EXTL3: variants seen among roughly 807,000 people sequenced by gnomAD.
The protein encoded by EXTL3 is exostosin-like 3.
In EXTL3, 27 loss-of-function variants were observed where a neutral mutation model predicts 69.3. That is an observed-to-expected ratio of 0.39 (90% CI 0.29 to 0.54). The LOEUF (loss-of-function observed/expected upper bound fraction) is 0.54. EXTL3 is among the 20% of genes least tolerant of loss of function. The pLI is 0.69. For missense variants in EXTL3, 1,003 were observed against 1,231.8 expected (o/e 0.81, Z 2.78); for synonymous variants, 511 against 499.4 (o/e 1.02, Z -0.31).
chr8:28,659,044 G>A (rs1387843499), intron 1 of EXTL3, among the ~76,000 whole-genome samples: 1 of 152,150 alleles, frequency 6.6e-6, no homozygotes, highest in Non-Finnish European at 1.5e-5. Context: ...TCCTAAGTAC[G>A]GCTGAAGGAT....
At chr8:28,681,479 C>T (rs2130660478) in intron 1 of EXTL3, among the ~76,000 whole-genome samples, 1 of 151,878 alleles carries the variant, frequency 6.6e-6, no homozygotes, top group South Asian at 2.1e-4. Flanking sequence ...GATTGTGTCA[C>T]TGCACTCCAG....
rs1050016206 is a variant in EXTL3, at chr8:28,717,881, C to T, written c.1822C>T (p.Pro608Ser). ...CTTTTACCGCAGCTGGAACTGTGCT[C>T]CAGGGCCTTTCCATCTTTTCCCCCA... ...TDFYRSWNCAPGPFHLFPHTP... is the reference protein window; with the variant it reads ...TDFYRSWNCASGPFHLFPHTP... Residue 608 changes from proline to serine, a missense_variant, in exon 3 of 7, where the codon CCA (proline) becomes TCA (serine). By Grantham distance (74) the Pro-to-Ser change is moderately conservative. This residue lies in a region of EXTL3 where 261 missense variants were observed against 416.4 expected (regional missense o/e 0.63). Transcript: ENST00000220562. The surrounding 1 kb of genome is among the most constrained non-coding windows in gnomAD (Gnocchi z 8.3). 6.2e-7 allele frequency: 1 copy of T among 1,614,098 alleles called. No homozygotes were observed. Among genetic ancestry groups the T allele is most frequent in the African/African-American group, 1.3e-5 (1 of 75,062 alleles).
At chr8:28,679,291 C>T (rs1807440286) in intron 1 of EXTL3, among the ~76,000 whole-genome samples, 1 of 152,106 alleles carries the variant, frequency 6.6e-6, no homozygotes, top group African/African-American at 2.4e-5. Context: ...ACTAAAAATA[C>T]AAAAATTATC....
At chr8:28,643,654 G>A (rs963221473) in intron 1 of EXTL3, among the ~76,000 whole-genome samples, 3 of 151,924 alleles carry the variant, frequency 2.0e-5, no homozygotes, top group Non-Finnish European at 4.4e-5. Context: ...TCCTGACCTC[G>A]TGATCCACCA....
intron 1 of EXTL3, among the ~76,000 whole-genome samples, chr8:28,633,866 G>A (rs371204277): frequency 1.3e-5 from 2 of 152,130 alleles, no homozygotes; most frequent in African/African-American, 2.4e-5. Context: ...GAAAACGTTC[G>A]CTGATCCCTG....
chr8:28,672,995 T>C (rs240918), intron 1 of EXTL3, among the ~76,000 whole-genome samples: 122,984 of 152,186 alleles, frequency 0.81, 50,360 homozygotes, highest in African/African-American at 0.95. Context: ...CTCTTGCCTG[T>C]GGCCATGTAA....
At chr8:28,643,909 G>A (rs1017616410) in intron 1 of EXTL3, among the ~76,000 whole-genome samples, 28 of 152,054 alleles carry the variant, frequency 1.8e-4, no homozygotes, top group African/African-American at 6.5e-4. Context: ...GGGACCACAG[G>A]TGGGCACCAC....
At chr8:28,658,958 A>G (rs1281924344) in intron 1 of EXTL3, among the ~76,000 whole-genome samples, 1 of 152,236 alleles carries the variant, frequency 6.6e-6, no homozygotes, top group Non-Finnish European at 1.5e-5. Flanking sequence ...TCTTCTACTC[A>G]AGGATATTTG....
intron 2 of EXTL3, among the ~76,000 whole-genome samples, chr8:28,714,391 C>G (rs1801097010): frequency 6.6e-6 from 1 of 152,080 alleles, no homozygotes; most frequent in Admixed American, 6.5e-5. Flanking sequence ...GACTATTACA[C>G]CTTTAATAGT....
chr8:28,608,340 G>A (rs1806226562), intron 2 of EXTL3, among the ~76,000 whole-genome samples: 3 of 151,998 alleles, frequency 2.0e-5, no homozygotes, highest in Admixed American at 2.0e-4. Flanking sequence ...CCTAATGTGA[G>A]ACCATCTTGG....
chr8:28,683,190 G>A (rs920091292), intron 1 of EXTL3, among the ~76,000 whole-genome samples: 2 of 152,074 alleles, frequency 1.3e-5, no homozygotes, highest in Admixed American at 1.3e-4. Context: ...AAATCAGGTC[G>A]TGATGTGTTC....
chr8:28,615,079 A>G (rs1277479624), intron 2 of EXTL3, among the ~76,000 whole-genome samples: 2 of 145,058 alleles, frequency 1.4e-5, no homozygotes, highest in Non-Finnish European at 3.0e-5. Flanking sequence ...TCTGCTATTG[A>G]TTTCTAGTTA....
chr8:28,702,035 C>T (rs925444599), intron 1 of EXTL3, among the ~76,000 whole-genome samples: 5 of 152,262 alleles, frequency 3.3e-5, no homozygotes, highest in Admixed American at 3.3e-4. Flanking sequence ...TTCCTCTGCT[C>T]CCTGAAGCCC....
At chr8:28,635,728 C>A (rs1368146779) in intron 1 of EXTL3, among the ~76,000 whole-genome samples, 1 of 151,694 alleles carries the variant, frequency 6.6e-6, no homozygotes, top group East Asian at 1.9e-4. Flanking sequence ...CACACACACA[C>A]ACACACACAC....
At chr8:28,661,842 G>A (rs988162783) in intron 1 of EXTL3, among the ~76,000 whole-genome samples, 3 of 151,288 alleles carry the variant, frequency 2.0e-5, no homozygotes, top group African/African-American at 4.9e-5. Flanking sequence ...CCAAGGTTGC[G>A]CCACTGCACT....
chr8:28,748,687 C>G (rs949611264), intron 6 of EXTL3, among the ~76,000 whole-genome samples: 1 of 152,140 alleles, frequency 6.6e-6, no homozygotes, highest in Non-Finnish European at 1.5e-5. Flanking sequence ...CTACCCGTTG[C>G]CCCGGGGAGA....
rs910945155 is a variant in EXTL3 at position 28,722,034 on chromosome 8, G to A, written c.2148+3827G>A. ...TTCATAAAGGGTATGGCTAATTGAC[G>A]CAGGGTGCCTTGGAAGGGGGCTTTT... On this transcript the variant is annotated intron_variant, in intron 3 of 6. Transcript: ENST00000220562. Among the ~76,000 whole-genome samples, 7 of 152,282 alleles carry A rather than the reference G, an allele frequency of 4.6e-5. No homozygotes were observed. The East Asian group carries it at 7.7e-4, about 17-fold the overall frequency.
chr8:28,716,104 A>G lies in EXTL3; in HGVS notation c.45A>G (p.Gly15=). Reference sequence around the variant, plus strand: ...TGCGGAATGGGGGCGCGGGGAACGGAGGTCAGACCTGCATGCTGCGCTGGT... The same window carrying G: ...TGCGGAATGGGGGCGCGGGGAACGGGGGTCAGACCTGCATGCTGCGCTGGT... ...TMLRNGGAGN[G]GQTCMLRWSN... The change falls in exon 3 of 7, where the codon GGA becomes GGG. Residue 15 remains glycine (G), a synonymous_variant. Transcript: ENST00000220562. The surrounding 1 kb of genome is among the most constrained non-coding windows in gnomAD (Gnocchi z 7.1). 1 of 1,612,874 alleles carries G rather than the reference A, an allele frequency of 6.2e-7. No homozygotes were observed.
intron 3 of EXTL3, among the ~76,000 whole-genome samples, chr8:28,724,781 CAG>C (rs974265761): frequency 6.6e-6 from 1 of 152,110 alleles, no homozygotes; most frequent in African/African-American, 2.4e-5. Context: ...GTCTGGGTGA[CAG>C]GGCAAGACTC....
Sources: allele counts gnomAD v4.1 joint callset (sites outside exome capture counted in the v4.1 genomes callset), GRCh38; gene constraint gnomAD v4.1.1; regional missense constraint gnomAD v4.1.1; non-coding constraint Gnocchi (gnomAD v3.1); transcripts MANE v1.5; gene names NCBI Gene and HGNC (gene_info 2026-07-23, HGNC 2026-07-21).